Variants in ARFGAP2 observed in about 807,000 individuals in gnomAD.
The protein encoded by ARFGAP2 is ARF GTPase activating protein 2, also known as ADP-ribosylation factor GTPase-activating protein 2.
In ARFGAP2, 45 loss-of-function variants were observed where a neutral mutation model predicts 71.9. The observed-to-expected ratio is 0.63, with a 90% CI of 0.49 to 0.80. The LOEUF is 0.80. Ranked by LOEUF, ARFGAP2 falls within the 30% of genes least tolerant of loss-of-function variation. The probability of loss-of-function intolerance (pLI) is 0.00; values close to 1 mark genes in which losing one functional copy is unlikely to be tolerated. For missense variants in ARFGAP2, 633 were observed against 673.9 expected (o/e 0.94, Z 0.67); for synonymous variants, 248 against 249.2 (o/e 1.00, Z 0.05).
chr11:47,176,802 G>A lies in ARFGAP2; in HGVS notation c.52C>T (p.Arg18Cys). ...TEIQTLFKRLRAVPTNKACFD... is the reference protein window; with the variant it reads ...TEIQTLFKRLCAVPTNKACFD... ...CGCACCTTGTTGGTTGGAACTGCGC[G>A]AAGCCTCTTAAAAAGAGTCTGGATT... The change falls in exon 1 of 16, where the codon CGC becomes TGC. Residue 18 changes from arginine (R) to cysteine (C), a missense_variant. Transcript: ENST00000524782. The A allele has an allele frequency of 6.2e-7, 1 of 1,614,124 alleles. No homozygotes were observed. The highest frequency in any genetic ancestry group is 8.5e-7 in the Non-Finnish European group (1 of 1,180,030).
chr11:47,171,487 T>C lies in ARFGAP2; in HGVS notation c.880A>G (p.Asn294Asp), dbSNP rs374493764. 3.7e-6 allele frequency: 6 copies of C among 1,614,186 alleles called. No individual in the cohort carries two copies. The South Asian group carries it at 4.4e-5, about 12-fold the overall frequency. The change falls in exon 10 of 16, where the codon AAT (asparagine) becomes GAT (aspartate). Residue 294 changes from asparagine (N) to aspartate (D), a missense_variant. Asn to Asp is a conservative substitution (Grantham distance 23). Transcript: ENST00000524782. ...TGCTCTCGCTTCTTCCCTTCCAGATTCTGTAGCTTCTTTTCCTCTTTCTTA... is the reference window on the plus strand; with the variant it reads ...TGCTCTCGCTTCTTCCCTTCCAGATCCTGTAGCTTCTTTTCCTCTTTCTTA... Reference protein sequence around the residue: ...DRKKEEKKLQNLEGKKREQAE... With the variant: ...DRKKEEKKLQDLEGKKREQAE...
intron 2 of ARFGAP2, chr11:47,176,229 T>C (rs1008854402): frequency 2.7e-5 from 16 of 586,076 alleles, no homozygotes; most frequent in African/African-American, 2.4e-4. Context: ...TAACAACATA[T>C]CAGCAACAAC....
At chr11:47,165,608 G>C (rs1203586918) in intron 15 of ARFGAP2, 106 bp from the exon 16 acceptor site, 3 of 1,289,032 alleles carry the variant, frequency 2.3e-6, no homozygotes, top group African/African-American at 3.1e-5. Flanking sequence ...GCAAGACTGG[G>C]GAGGCAGGGG....
chr11:47,176,662 G>C, intron 1 of ARFGAP2, 28 bp from the exon 2 acceptor site: 1 of 1,613,126 alleles, frequency 6.2e-7, no homozygotes, highest in East Asian at 2.2e-5. Context: ...TGAGCGAATC[G>C]TCAGGGGCCC....
intron 12 of ARFGAP2, 42 bp from the exon 13 acceptor site, chr11:47,166,928 C>A: frequency 6.3e-7 from 1 of 1,596,884 alleles, no homozygotes; most frequent in South Asian, 1.1e-5. Context: ...CTCCCATTAT[C>A]ATCAGGGGAG....
chr11:47,167,764 T>C (rs767066530), intron 12 of ARFGAP2, 145 bp downstream of exon 12: 12 of 1,023,288 alleles, frequency 1.2e-5, no homozygotes, highest in Admixed American at 2.9e-5. Context: ...CATAGCCACA[T>C]AGTAGTGGCT....
At chr11:47,173,666 C>G (rs766899838) in intron 6 of ARFGAP2, 93 bp downstream of exon 6, 16 of 1,478,012 alleles carry the variant, frequency 1.1e-5, no homozygotes, top group Non-Finnish European at 1.5e-5. Context: ...CAGGAGGACC[C>G]CTGCTCCTAT....
At position 47,167,965 on chromosome 11, in the gene ARFGAP2, C is replaced by G; in HGVS notation, c.1149G>C (p.Arg383Ser). Reference protein sequence around the residue: ...WDTDAAWGMDRVEEKEPEVTI... With the variant: ...WDTDAAWGMDSVEEKEPEVTI... Reference sequence around the variant, plus strand: ...TCACTTCTGGCTCCTTCTCCTCTACCCTGTCCATACCCCAGGCAGCATCTG... The same window carrying G: ...TCACTTCTGGCTCCTTCTCCTCTACGCTGTCCATACCCCAGGCAGCATCTG... Residue 383 changes from arginine to serine, a missense_variant, in exon 12 of 16, where the codon AGG becomes AGC. By Grantham distance (110) the Arg-to-Ser change is moderately radical. Coordinates refer to ENST00000524782, the MANE Select transcript of ARFGAP2 (RefSeq NM_032389.6). The G allele has an allele frequency of 6.2e-7, 1 of 1,614,020 alleles. No homozygotes were observed. Among genetic ancestry groups the G allele is most frequent in the Non-Finnish European group, 8.5e-7 (1 of 1,179,934 alleles).
Position 47,171,682 on chromosome 11 carries a change from T to C in ARFGAP2, c.791A>G (p.Lys264Arg), listed in dbSNP as rs562442519. ...LREQQAADAK[K>R]QAEESMVASM... ...CACTTACATGGACTCCTCCGCCTGC[T>C]TCTTGGCATCGGCTGCCTGCTGCTC... The change falls in exon 9 of 16, where the codon AAG becomes AGG. Residue 264 changes from lysine (K) to arginine (R), a missense_variant. By Grantham distance (26) the Lys-to-Arg change is conservative. Coordinates refer to ENST00000524782, the MANE Select transcript of ARFGAP2 (RefSeq NM_032389.6). The C allele has an allele frequency of 6.2e-7, 1 of 1,613,882 alleles. No homozygotes were observed. Among genetic ancestry groups the C allele is most frequent in the Admixed American group, 1.7e-5 (1 of 60,022 alleles).
rs181079447 is a variant in ARFGAP2 at position 47,173,522 on chromosome 11, C to T, written c.563-40G>A. The T allele has an allele frequency of 2.0e-5, 30 of 1,525,430 alleles. No homozygotes were observed. In the Admixed American group the frequency reaches 3.9e-4, roughly 20 times the overall value. The allele number at this position is 1,525,430 out of a possible 1,614,324, so 94.5% of individuals were successfully genotyped here. Reference sequence around the variant, plus strand: ...GTAGGAGTTAGAGATGAGCTCCTAGCTTCCTGCAACCTCCCCTTGAAAGAA... The same window carrying T: ...GTAGGAGTTAGAGATGAGCTCCTAGTTTCCTGCAACCTCCCCTTGAAAGAA... On this transcript the variant is annotated intron_variant, in intron 6 of 15. Coordinates refer to ENST00000524782, the MANE Select transcript of ARFGAP2 (RefSeq NM_032389.6).
At chr11:47,173,933 A>G (rs1180519894) in intron 5 of ARFGAP2, 93 bp from the exon 6 acceptor site, 2 of 1,539,856 alleles carry the variant, frequency 1.3e-6, no homozygotes, top group African/African-American at 1.4e-5. Flanking sequence ...ACAAGAAATC[A>G]TACTCCAAAC....
rs1952699605 is a variant in ARFGAP2 at position 47,174,078 on chromosome 11, T to TA, written c.481-239dup. The TA allele has an allele frequency of 2.2e-5, 14 of 648,942 alleles. No homozygotes were observed. The South Asian group carries it at 2.5e-4, about 12-fold the overall frequency. 40.2% of individuals were successfully genotyped at this position (648,942 alleles called of 1,614,324 possible). A position where few individuals can be genotyped will look rare whatever the true frequency, so the allele number is the denominator to read the frequency against. ...AGAGCCAGAGCCCATTCTCCTAACTTAAAGACAGTTAACTACCACCACCTA... is the reference window on the plus strand; with the variant it reads ...AGAGCCAGAGCCCATTCTCCTAACTTAAAAGACAGTTAACTACCACCACCTA... On this transcript the variant is annotated intron_variant, in intron 5 of 15. Transcript: ENST00000524782.
At chr11:47,165,878 GTTTT>G (rs370719904) in intron 15 of ARFGAP2, among the ~76,000 whole-genome samples, 1 of 149,704 alleles carries the variant, frequency 6.7e-6, no homozygotes, top group Non-Finnish European at 1.5e-5. Flanking sequence ...TTCGTTTGTG[GTTTT>G]TTTTTTGAGA....
At position 47,175,235 on chromosome 11, in the gene ARFGAP2, G is replaced by A. The variant is rs1590961811; in HGVS notation, c.343C>T (p.Arg115Trp). 2.5e-6 allele frequency: 4 copies of A among 1,614,126 alleles called. No homozygotes were observed. Among genetic ancestry groups the A allele is most frequent in the Non-Finnish European group, 3.4e-6 (4 of 1,180,022 alleles). ...KYNSRAAQMY[R>W]EKIRQLGSAA... Reference sequence around the variant, plus strand: ...CTCCCCAGCTGCCGGATCTTCTCCCGGTACATCTGGGCAGCTCGGCTATTA... The same window carrying A: ...CTCCCCAGCTGCCGGATCTTCTCCCAGTACATCTGGGCAGCTCGGCTATTA... Residue 115 changes from arginine to tryptophan, a missense_variant, in exon 4 of 16, where the codon CGG becomes TGG. Physicochemically the swap from Arg to Trp is moderately radical, Grantham distance 101 (BLOSUM62 -3). Transcript: ENST00000524782.
chr11:47,166,053 G>A lies in ARFGAP2; in HGVS notation c.1545+215C>T, dbSNP rs554037327. On this transcript the variant is annotated intron_variant, in intron 15 of 15. Transcript: ENST00000524782. ...CTAATTTTGTATTTTTAGTAGAGACGGGGTTTTGCCATGTTGGTCAGGCTG... is the reference window on the plus strand; with the variant it reads ...CTAATTTTGTATTTTTAGTAGAGACAGGGTTTTGCCATGTTGGTCAGGCTG... 1.2e-4 allele frequency among the ~76,000 whole-genome samples: 19 copies of A among 152,192 alleles called. 1 individual carries two copies. The highest frequency in any genetic ancestry group is 3.9e-4 in the East Asian group (2 of 5,160).
At chr11:47,172,155 A>G (rs1952626107) in intron 8 of ARFGAP2, 126 bp downstream of exon 8, 1 of 961,518 alleles carries the variant, frequency 1.0e-6, no homozygotes, top group Non-Finnish European at 1.6e-6. Context: ...TTCACAGGCG[A>G]GGTTCGGAGA....
At chr11:47,165,666 G>A (rs996467572) in intron 15 of ARFGAP2, among the ~76,000 whole-genome samples, 164 bp from the exon 16 acceptor site, 8 of 152,122 alleles carry the variant, frequency 5.3e-5, no homozygotes, top group Non-Finnish European at 8.8e-5. Flanking sequence ...CTGGGGCAGC[G>A]GCCACTCGGG....
intron 5 of ARFGAP2, chr11:47,174,753 C>G: frequency 2.3e-6 from 1 of 433,388 alleles, no homozygotes; most frequent in Admixed American, 3.9e-5. Flanking sequence ...CACCGGACAC[C>G]TCTTGAAACT....
intron 10 of ARFGAP2, among the ~76,000 whole-genome samples, chr11:47,168,884 A>G (rs1952492075): frequency 6.6e-6 from 1 of 151,918 alleles, no homozygotes; most frequent in Admixed American, 6.6e-5. Flanking sequence ...ACAACTCCCT[A>G]CCTTGTGCAC....
Sources: gnomAD v4.1 joint callset for allele counts (sites outside exome capture counted in the v4.1 genomes callset) on GRCh38, gnomAD v4.1.1 for gene constraint, MANE v1.5 for transcripts, NCBI Gene and HGNC (gene_info 2026-07-23, HGNC 2026-07-21) for gene names.